The following RUNX2 variants were observed in gnomAD, a reference collection of about 807,000 sequenced individuals.
RUNX2 encodes runt-related transcription factor 2.
A neutral mutation model predicts 51.7 loss-of-function variants in RUNX2; 10 were observed. The ratio of observed to expected loss-of-function variants is 0.19; its 90% CI spans 0.12 to 0.33. The LOEUF is 0.33. RUNX2 is among the 10% of genes least tolerant of loss of function. The pLI, the probability that RUNX2 is intolerant of heterozygous loss-of-function variation, is 1.00. For missense variants in RUNX2, 562 were observed against 691.3 expected (o/e 0.81, Z 2.10); for synonymous variants, 276 against 273.6 (o/e 1.01, Z -0.09).
At chr6:45,473,070 C>T (rs1290604667) in intron 5 of RUNX2, among the ~76,000 whole-genome samples, 2 of 152,132 alleles carry the variant, frequency 1.3e-5, no homozygotes, top group Non-Finnish European at 2.9e-5. Context: ...AAAGGGTGGT[C>T]TTCTTTGAAA....
intron 2 of RUNX2, among the ~76,000 whole-genome samples, chr6:45,344,661 T>C (rs1428196423): frequency 6.6e-6 from 1 of 152,172 alleles, no homozygotes; most frequent in African/African-American, 2.4e-5. Flanking sequence ...CAAAAGCATG[T>C]TAACTTTTTA....
intron 2 of RUNX2, 182 bp from the exon 3 acceptor site, chr6:45,422,411 C>A: frequency 9.5e-6 from 6 of 629,344 alleles, no homozygotes; most frequent in Non-Finnish European, 1.7e-5. Context: ...CCATCAGACT[C>A]CGCCCGGCAG....
At chr6:45,424,427 A>T (rs1798328857) in intron 3 of RUNX2, among the ~76,000 whole-genome samples, 1 of 151,970 alleles carries the variant, frequency 6.6e-6, no homozygotes, top group African/African-American at 2.4e-5. Flanking sequence ...TGGAGATGAG[A>T]CTCTCAGAAA....
At chr6:45,407,819 T>A (rs182682600) in intron 2 of RUNX2, among the ~76,000 whole-genome samples, 14 of 152,210 alleles carry the variant, frequency 9.2e-5, no homozygotes, top group Admixed American at 9.2e-4. Context: ...ATTTTAATGG[T>A]GTATTTTTTT....
chr6:45,398,218 A>G (rs901978160), intron 2 of RUNX2, among the ~76,000 whole-genome samples: 1 of 152,188 alleles, frequency 6.6e-6, no homozygotes, highest in African/African-American at 2.4e-5. Flanking sequence ...TTCCTCACCT[A>G]TTAACTGTAC....
At chr6:45,494,261 C>G (rs1800575871) in intron 6 of RUNX2, among the ~76,000 whole-genome samples, 1 of 152,220 alleles carries the variant, frequency 6.6e-6, no homozygotes, top group African/African-American at 2.4e-5. Flanking sequence ...CCTGGCCCTC[C>G]TCCAGTTGTC....
intron 4 of RUNX2, among the ~76,000 whole-genome samples, chr6:45,435,110 A>G (rs3792955): frequency 1.3e-5 from 2 of 152,302 alleles, no homozygotes; most frequent in East Asian, 3.9e-4. Context: ...ATACTTAACT[A>G]CTTGTTTCCT....
chr6:45,425,034 C>T (rs1044230426), intron 3 of RUNX2, among the ~76,000 whole-genome samples: 1 of 152,066 alleles, frequency 6.6e-6, no homozygotes, highest in African/African-American at 2.4e-5. Context: ...TTTCCACCAA[C>T]GCCCTCCAAT....
At chr6:45,428,329 GA>G (rs577767257) in intron 3 of RUNX2, among the ~76,000 whole-genome samples, 4 of 152,086 alleles carry the variant, frequency 2.6e-5, no homozygotes, top group East Asian at 3.9e-4. Context: ...TCTACTTAAA[GA>G]AAAAACCTCT....
chr6:45,340,987 T>C (rs551124225), intron 2 of RUNX2, among the ~76,000 whole-genome samples: 220 of 152,274 alleles, frequency 1.4e-3, no homozygotes, highest in Non-Finnish European at 2.2e-3. Context: ...ATTTCTAAGC[T>C]TTAACTTCTA....
intron 2 of RUNX2, among the ~76,000 whole-genome samples, chr6:45,340,322 G>A (rs1027592732): frequency 6.6e-6 from 1 of 152,030 alleles, no homozygotes; most frequent in African/African-American, 2.4e-5. Flanking sequence ...GGTGAGGTTT[G>A]TTAAGCCCCC....
intron 2 of RUNX2, among the ~76,000 whole-genome samples, chr6:45,358,807 G>A (rs114471738): frequency 0.018 from 2,670 of 152,086 alleles, 50 homozygotes; most frequent in South Asian, 0.086. Context: ...ATGGTGAAAC[G>A]TATGAATATT....
chr6:45,422,434 A>G (rs1285173191), intron 2 of RUNX2, 159 bp from the exon 3 acceptor site: 3 of 658,590 alleles, frequency 4.6e-6, no homozygotes, highest in African/African-American at 1.9e-5. Flanking sequence ...GGCCTCATCA[A>G]ACTTGATTTC....
At chr6:45,533,816 C>T (rs547926006) in intron 7 of RUNX2, among the ~76,000 whole-genome samples, 1 of 150,954 alleles carries the variant, frequency 6.6e-6, no homozygotes, top group African/African-American at 2.4e-5. Flanking sequence ...CCAGTCATCA[C>T]TTTAAAAATA....
chr6:45,371,328 A>C (rs948385466), intron 2 of RUNX2, among the ~76,000 whole-genome samples: 3 of 152,176 alleles, frequency 2.0e-5, no homozygotes, highest in Admixed American at 6.5e-5. Flanking sequence ...TGGGGGATTT[A>C]CTGTAGGCAT....
intron 7 of RUNX2, among the ~76,000 whole-genome samples, chr6:45,526,755 T>C (rs1801685335): frequency 6.6e-6 from 1 of 152,202 alleles, no homozygotes; most frequent in South Asian, 2.1e-4. Context: ...TAGAGCCAGG[T>C]CTAAATTCAG....
chr6:45,513,116 C>G (rs566271989), intron 7 of RUNX2, among the ~76,000 whole-genome samples: 4 of 152,196 alleles, frequency 2.6e-5, no homozygotes, highest in African/African-American at 9.6e-5. Context: ...GCCCCTCTAT[C>G]CTGGAGAATT....
At chr6:45,374,789 G>T (rs149602145) in intron 2 of RUNX2, among the ~76,000 whole-genome samples, 17 of 152,226 alleles carry the variant, frequency 1.1e-4, no homozygotes, top group African/African-American at 4.1e-4. Context: ...GCTGCTAAAG[G>T]TTTATATTCA....
intron 5 of RUNX2, among the ~76,000 whole-genome samples, chr6:45,444,588 A>C (rs2150376140): frequency 6.6e-6 from 1 of 152,308 alleles, no homozygotes; most frequent in East Asian, 1.9e-4. Flanking sequence ...TGCTTCACTC[A>C]GCTTGTTAGG....
Sources: gnomAD v4.1 joint callset for allele counts (sites outside exome capture counted in the v4.1 genomes callset) on GRCh38, gnomAD v4.1.1 for gene constraint, MANE v1.5 for transcripts, NCBI Gene and HGNC (gene_info 2026-07-23, HGNC 2026-07-21) for gene names.